VPS35L: variants seen among roughly 807,000 people sequenced by gnomAD.
The protein encoded by VPS35L is VPS35 endosomal protein sorting factor like, also known as VPS35 endosomal protein-sorting factor-like.
Under a neutral mutation model 133.0 loss-of-function variants are expected in VPS35L, and 83 were observed. The observed-to-expected ratio is 0.62, with a 90% CI of 0.52 to 0.75. The LOEUF is 0.75. Ranked by LOEUF, VPS35L falls within the 30% of genes least tolerant of loss-of-function variation. The pLI is 0.00. For synonymous variants in VPS35L, 423 were observed against 449.9 expected (o/e 0.94, Z 0.76); for missense variants, 1,083 against 1,206.8 (o/e 0.90, Z 1.52).
intron 26 of VPS35L, among the ~76,000 whole-genome samples, chr16:19,657,386 CATATGTCATG>C (rs1228364201): frequency 6.6e-6 from 1 of 152,140 alleles, no homozygotes; most frequent in Non-Finnish European, 1.5e-5. Flanking sequence ...GAGCTGGGTT[CATATGTCATG>C]TCTTTAGAAA....
chr16:19,693,829 G>A (rs1397323365), intron 29 of VPS35L, among the ~76,000 whole-genome samples: 3 of 151,552 alleles, frequency 2.0e-5, no homozygotes, highest in Admixed American at 1.3e-4. Flanking sequence ...AGTGCCTGTA[G>A]TCCCAGCTAC....
At chr16:19,685,761 G>A (rs1424321392) in intron 28 of VPS35L, among the ~76,000 whole-genome samples, 1 of 152,158 alleles carries the variant, frequency 6.6e-6, no homozygotes, top group Non-Finnish European at 1.5e-5. Flanking sequence ...ACCCTTTCCT[G>A]TATTTCTTGG....
At chr16:19,621,141 A>T (rs1056922969) in intron 14 of VPS35L, among the ~76,000 whole-genome samples, 1 of 152,132 alleles carries the variant, frequency 6.6e-6, no homozygotes, top group African/African-American at 2.4e-5. Context: ...ATTCTCCATT[A>T]AAAAAGGCCA....
intron 12 of VPS35L, among the ~76,000 whole-genome samples, chr16:19,612,894 C>A (rs1278865014): frequency 6.6e-6 from 1 of 152,174 alleles, no homozygotes; most frequent in East Asian, 1.9e-4. Flanking sequence ...AGAGCAGACC[C>A]CCCACAAGAT....
intron 7 of VPS35L, among the ~76,000 whole-genome samples, chr16:19,589,435 G>A (rs1971971584): frequency 6.6e-6 from 1 of 152,056 alleles, no homozygotes; most frequent in South Asian, 2.1e-4. Context: ...GTAGAAACTG[G>A]GGTCTCACTA....
At chr16:19,569,389 G>T in intron 2 of VPS35L, 35 bp from the exon 3 acceptor site, 1 of 1,596,836 alleles carries the variant, frequency 6.3e-7, no homozygotes, top group East Asian at 2.2e-5. Context: ...AGAGTTGTGG[G>T]AGTTCCGTTT....
intron 2 of VPS35L, among the ~76,000 whole-genome samples, chr16:19,567,299 T>C (rs1971219150): frequency 6.6e-6 from 1 of 152,072 alleles, no homozygotes; most frequent in African/African-American, 2.4e-5. Flanking sequence ...AGCAGGAAAA[T>C]GCTTTTCTCA....
At chr16:19,643,200 A>G (rs1392320025) in intron 22 of VPS35L, among the ~76,000 whole-genome samples, 1 of 152,226 alleles carries the variant, frequency 6.6e-6, no homozygotes, top group Non-Finnish European at 1.5e-5. Context: ...CAAAAATCAA[A>G]GTGTCGAGGC....
intron 1 of VPS35L, among the ~76,000 whole-genome samples, chr16:19,561,051 G>A (rs954499272): frequency 6.6e-6 from 1 of 151,898 alleles, no homozygotes; most frequent in Admixed American, 6.6e-5. Flanking sequence ...GCAAATTATC[G>A]TGAAAGGGAT....
chr16:19,618,504 T>C (rs1972971484), intron 14 of VPS35L, among the ~76,000 whole-genome samples: 1 of 152,164 alleles, frequency 6.6e-6, no homozygotes, highest in Non-Finnish European at 1.5e-5. Context: ...CGTAAGGGTA[T>C]TCATGGTATA....
intron 5 of VPS35L, 62 bp from the exon 6 acceptor site, chr16:19,578,990 T>C (rs754217980): frequency 2.2e-6 from 3 of 1,347,986 alleles, no homozygotes; most frequent in Non-Finnish European, 3.2e-6. Flanking sequence ...GAAAGATGCC[T>C]CCACTGGGGG....
chr16:19,666,919 T>TTTCTTCCTTTCTTCCTTTCTTC lies in VPS35L; in HGVS notation c.2222-2241_2222-2240insTTCTTCCTTTCTTCCTTTCTTC, dbSNP rs1567470455. 1.6e-3 allele frequency among the ~76,000 whole-genome samples: 146 copies of TTTCTTCCTTTCTTCCTTTCTTC among 90,132 alleles called. 1 individual carries two copies. Among genetic ancestry groups the TTTCTTCCTTTCTTCCTTTCTTC allele is most frequent in the African/African-American group, 8.7e-3 (130 of 14,868 alleles). The allele number at this position is 90,132 out of a possible 152,430, so 59.1% of individuals were successfully genotyped here. On this transcript the variant is annotated intron_variant, in intron 26 of 30. Coordinates refer to ENST00000417362, the MANE Select transcript of VPS35L (RefSeq NM_020314.7). ...TTCTTTCTTTCTTTCTTTCTTTCTT[T>TTTCTTCCTTTCTTCCTTTCTTC]CTTTCTTTCTTTCTTCCTTTCTTCC...
At chr16:19,581,428 G>T in intron 6 of VPS35L, 97 bp from the exon 7 acceptor site, 1 of 1,326,348 alleles carries the variant, frequency 7.5e-7, no homozygotes, top group Non-Finnish European at 9.8e-7. Context: ...GGAAAATTTA[G>T]AGACCAAAAC....
intron 9 of VPS35L, among the ~76,000 whole-genome samples, chr16:19,605,153 C>T (rs1438717806): frequency 6.6e-6 from 1 of 152,156 alleles, no homozygotes; most frequent in Non-Finnish European, 1.5e-5. Flanking sequence ...GTAAAGAGAC[C>T]TCTCGCTGCT....
chr16:19,571,245 C>T (rs1318807973), intron 3 of VPS35L, among the ~76,000 whole-genome samples: 5 of 152,110 alleles, frequency 3.3e-5, no homozygotes, highest in Non-Finnish European at 5.9e-5. Flanking sequence ...TGGAGATAGT[C>T]TTGCTCTTTT....
chr16:19,612,686 CTT>C (rs1400377034), intron 12 of VPS35L, among the ~76,000 whole-genome samples: 3 of 152,204 alleles, frequency 2.0e-5, no homozygotes, highest in Admixed American at 1.3e-4. Flanking sequence ...CATGCTGTCT[CTT>C]CTGCAAATAA....
chr16:19,651,688 T>A (rs1974126211), intron 25 of VPS35L, among the ~76,000 whole-genome samples: 1 of 152,162 alleles, frequency 6.6e-6, no homozygotes, highest in South Asian at 2.1e-4. Context: ...TTTAAGCAAT[T>A]GGTTTAAACA....
rs533125894 is a variant in VPS35L, at chr16:19,590,929, C to T, written c.640-861C>T. Among the ~76,000 whole-genome samples the T allele has an allele frequency of 6.1e-4, 92 of 151,922 alleles. 1 individual carries two copies. Among genetic ancestry groups the T allele is most frequent in the Middle Eastern group, 3.4e-3 (1 of 294 alleles). On this transcript the variant is annotated intron_variant, in intron 7 of 30. Coordinates refer to ENST00000417362, the MANE Select transcript of VPS35L (RefSeq NM_020314.7). ...ATGATTGCACCAATGCACTCCAGCC[C>T]GAGCGACAGAGCAAGACCTTATCTC... is the stretch of plus-strand genomic sequence containing the variant.
chr16:19,585,406 CTTTTTTTT>C (rs201727936), intron 7 of VPS35L, among the ~76,000 whole-genome samples: 6,847 of 138,134 alleles, frequency 0.05, 315 homozygotes, highest in East Asian at 0.21. Context: ...TTTCTTTTTT[CTTTTTTTT>C]TTTTTTTTTT....
Sources: gnomAD v4.1 joint callset for allele counts (sites outside exome capture counted in the v4.1 genomes callset) on GRCh38, gnomAD v4.1.1 for gene constraint, MANE v1.5 for transcripts, NCBI Gene and HGNC (gene_info 2026-07-23, HGNC 2026-07-21) for gene names.